ARHGAP24: variants seen among roughly 807,000 people sequenced by gnomAD.
ARHGAP24 encodes the protein rho GTPase-activating protein 24.
In ARHGAP24, 50 loss-of-function variants were observed where a neutral mutation model predicts 76.4. That is an observed-to-expected ratio of 0.65 (90% CI 0.52 to 0.83). The LOEUF (loss-of-function observed/expected upper bound fraction) is 0.83, where lower values mean the gene tolerates loss of function less well. Among genes scored for constraint, ARHGAP24 ranks in the 40% least tolerant of loss-of-function variants. The pLI is 0.00. For missense variants in ARHGAP24, 930 were observed against 914.2 expected (o/e 1.02, Z -0.22); for synonymous variants, 345 against 323.3 (o/e 1.07, Z -0.72).
chr4:85,526,397 CAAA>C (rs397945077), intron 1 of ARHGAP24, among the ~76,000 whole-genome samples: 8 of 76,968 alleles, frequency 1.0e-4, no homozygotes, highest in Admixed American at 1.5e-4. Context: ...AAGACCCTGT[CAAA>C]AAAAAAAAAA....
chr4:85,955,929 C>T (rs1737878449), intron 5 of ARHGAP24, among the ~76,000 whole-genome samples: 1 of 152,176 alleles, frequency 6.6e-6, no homozygotes, highest in African/African-American at 2.4e-5. Flanking sequence ...CTGAAAGATA[C>T]ACCCCTCCCT....
intron 3 of ARHGAP24, among the ~76,000 whole-genome samples, chr4:85,756,451 C>A (rs970477021): frequency 6.6e-6 from 1 of 152,186 alleles, no homozygotes; most frequent in Non-Finnish European, 1.5e-5. Context: ...GTAACTAGTA[C>A]TCTCTTCTAT....
intron 3 of ARHGAP24, among the ~76,000 whole-genome samples, chr4:85,736,997 ATCT>A (rs1215004874): frequency 3.9e-5 from 6 of 152,172 alleles, no homozygotes; most frequent in African/African-American, 1.2e-4. Flanking sequence ...TTTTAGTAAC[ATCT>A]TCTCTGTCAT....
chr4:85,818,363 G>A (rs867003242), intron 3 of ARHGAP24, among the ~76,000 whole-genome samples: 8 of 152,108 alleles, frequency 5.3e-5, no homozygotes, highest in Middle Eastern at 3.4e-3. Context: ...ACTTAAAATC[G>A]TCTCTCCAGC....
chr4:85,973,453 A>T (rs2148852462), intron 6 of ARHGAP24, among the ~76,000 whole-genome samples: 1 of 152,328 alleles, frequency 6.6e-6, no homozygotes, highest in East Asian at 1.9e-4. Context: ...ATATGATTTT[A>T]AATATTTTCT....
chr4:85,755,921 C>T (rs183885868), intron 3 of ARHGAP24, among the ~76,000 whole-genome samples: 150 of 152,172 alleles, frequency 9.9e-4, no homozygotes, highest in Non-Finnish European at 2.0e-3. Flanking sequence ...GCGTGAGCCA[C>T]CGCGCTAGGC....
At chr4:85,755,650 T>TTTTTTTTG (rs1726462712) in intron 3 of ARHGAP24, among the ~76,000 whole-genome samples, 6 of 144,758 alleles carry the variant, frequency 4.1e-5, no homozygotes, top group East Asian at 2.0e-4. Flanking sequence ...TGTTTTGTTT[T>TTTTTTTTG]GAGACGGAGT....
chr4:85,756,064 T>C (rs1008738137), intron 3 of ARHGAP24, among the ~76,000 whole-genome samples: 5 of 152,200 alleles, frequency 3.3e-5, no homozygotes, highest in African/African-American at 1.2e-4. Context: ...ATACAATACA[T>C]TGATCATCAA....
intron 2 of ARHGAP24, among the ~76,000 whole-genome samples, chr4:85,624,691 A>G (rs2110007012): frequency 6.6e-6 from 1 of 151,000 alleles, no homozygotes; most frequent in Non-Finnish European, 1.5e-5. Context: ...CTCTGGTAGA[A>G]TTCAGTGGTC....
At chr4:85,817,735 G>T (rs1456937874) in intron 3 of ARHGAP24, among the ~76,000 whole-genome samples, 1 of 152,132 alleles carries the variant, frequency 6.6e-6, no homozygotes, top group South Asian at 2.1e-4. Context: ...TAATACAAAA[G>T]GTTGGTCTTG....
intron 8 of ARHGAP24, among the ~76,000 whole-genome samples, chr4:85,979,149 G>T (rs1010146956): frequency 1.4e-4 from 22 of 152,102 alleles, no homozygotes; most frequent in African/African-American, 4.8e-4. Flanking sequence ...TAAAATCCAT[G>T]TTTGATCTGC....
chr4:85,832,734 C>T (rs1181542346), intron 3 of ARHGAP24, among the ~76,000 whole-genome samples: 1 of 152,106 alleles, frequency 6.6e-6, no homozygotes, highest in African/African-American at 2.4e-5. Context: ...AAAATAAATT[C>T]TAAAATGGTT....
intron 2 of ARHGAP24, among the ~76,000 whole-genome samples, chr4:85,596,588 G>A (rs1472768834): frequency 3.4e-5 from 5 of 145,584 alleles, no homozygotes; most frequent in African/African-American, 1.3e-4. Context: ...AATCCTGTAT[G>A]TGTTTTCTTC....
Position 85,994,584 on chromosome 4 carries a change from C to T in ARHGAP24, c.930C>T (p.Gly310=), listed in dbSNP as rs1215849996. 5 of 1,613,152 alleles carry T rather than the reference C, an allele frequency of 3.1e-6. No individual in the cohort carries two copies. The highest frequency in any genetic ancestry group is 3.4e-6 in the Non-Finnish European group (4 of 1,179,234). The change falls in exon 9 of 10, where the codon GGC becomes GGT. Residue 310 remains glycine, a splice_region_variant and synonymous_variant. Transcript: ENST00000395184. ...KVEDPLTIME[G]TVVVQQLMSV... ...ACTTTATGTTCTATGCAATTCTAGGCACTGTGGTGGTCCAGCAGTTGATGT... is the reference window on the plus strand; with the variant it reads ...ACTTTATGTTCTATGCAATTCTAGGTACTGTGGTGGTCCAGCAGTTGATGT...
At chr4:85,821,660 C>T (rs994035334) in intron 3 of ARHGAP24, among the ~76,000 whole-genome samples, 3 of 152,204 alleles carry the variant, frequency 2.0e-5, no homozygotes, top group African/African-American at 7.2e-5. Flanking sequence ...GATGGGGTTA[C>T]AGGTATGAGT....
chr4:85,686,896 T>C (rs1183737742), intron 2 of ARHGAP24, among the ~76,000 whole-genome samples: 1 of 152,084 alleles, frequency 6.6e-6, no homozygotes, highest in Admixed American at 6.6e-5. Flanking sequence ...ATTACAAATA[T>C]TTTCAGAAAG....
At chr4:85,594,710 G>GT (rs1236636989) in intron 2 of ARHGAP24, among the ~76,000 whole-genome samples, 12 of 152,054 alleles carry the variant, frequency 7.9e-5, no homozygotes, top group Middle Eastern at 3.2e-3. Flanking sequence ...TCTTTCTACA[G>GT]TATGTGGCAC....
chr4:85,999,502 A>T (rs1315305803), intron 9 of ARHGAP24, among the ~76,000 whole-genome samples: 2 of 152,144 alleles, frequency 1.3e-5, no homozygotes, highest in African/African-American at 4.8e-5. Flanking sequence ...CTGTTATTAA[A>T]ATAATCAGAT....
chr4:85,562,545 A>G (rs1726639719), intron 1 of ARHGAP24, among the ~76,000 whole-genome samples: 1 of 152,102 alleles, frequency 6.6e-6, no homozygotes, highest in African/African-American at 2.4e-5. Context: ...GACTTTTATG[A>G]TGGAAATGAA....
Sources: gnomAD v4.1 joint callset for allele counts (sites outside exome capture counted in the v4.1 genomes callset) on GRCh38, gnomAD v4.1.1 for gene constraint, MANE v1.5 for transcripts, NCBI Gene and HGNC (gene_info 2026-07-23, HGNC 2026-07-21) for gene names.